Variants in USH2A observed in about 807,000 individuals in gnomAD.
USH2A encodes Usher syndrome 2A (autosomal recessive, mild).
Under a neutral mutation model 538.9 loss-of-function variants are expected in USH2A, and 443 were observed. The ratio of observed to expected loss-of-function variants is 0.82; its 90% CI spans 0.76 to 0.89. The LOEUF is 0.89. Among genes scored for constraint, USH2A ranks in the 40% least tolerant of loss-of-function variants. The pLI, the probability that USH2A is intolerant of heterozygous loss-of-function variation, is 0.00. For missense variants in USH2A, 6,633 were observed against 6,324.8 expected, an observed-to-expected ratio of 1.05 and a Z score of -1.65; for synonymous variants, 2,413 against 2,273.5, an observed-to-expected ratio of 1.06 and a Z score of -1.75.
intron 61 of USH2A, among the ~76,000 whole-genome samples, chr1:215,721,295 G>A (rs1239508032): frequency 1.3e-5 from 2 of 152,088 alleles, no homozygotes; most frequent in African/African-American, 2.4e-5. Flanking sequence ...GGCTGGTCTC[G>A]AACGCCTGAC....
In USH2A at chr1:215,625,750, T is replaced by G; in HGVS notation, c.*31A>C. On this transcript the variant is annotated 3_prime_UTR_variant, in exon 72 of 72. Transcript: ENST00000307340. ...GAGGAAATGGGTGCAGACCTTGCAT[T>G]CCAGGGTTACGTCTTCTGGGTTTCC... 6.2e-7 allele frequency: 1 copy of G among 1,609,194 alleles called. No individual in the cohort carries two copies. The highest frequency in any genetic ancestry group is 8.5e-7 in the Non-Finnish European group (1 of 1,175,556).
intron 19 of USH2A, 99 bp from the exon 20 acceptor site, chr1:216,190,466 G>A (rs1045844453): frequency 4.7e-6 from 7 of 1,498,382 alleles, no homozygotes; most frequent in Middle Eastern, 2.4e-4. Context: ...TTCAGACAGA[G>A]GGAATTATTG....
chr1:216,319,999 C>A (rs1480249548), intron 9 of USH2A, among the ~76,000 whole-genome samples: 2 of 152,120 alleles, frequency 1.3e-5, no homozygotes, highest in Non-Finnish European at 2.9e-5. Flanking sequence ...GTGCTACCAT[C>A]TGAAAAGCTA....
intron 55 of USH2A, among the ~76,000 whole-genome samples, chr1:215,776,378 C>CT (rs544341314): frequency 2.5e-4 from 38 of 152,222 alleles, no homozygotes; most frequent in South Asian, 1.0e-3. Flanking sequence ...TTACTTAATG[C>CT]TTTTTTTAAC....
chr1:216,312,437 T>C (rs2037439335), intron 9 of USH2A, among the ~76,000 whole-genome samples: 1 of 152,186 alleles, frequency 6.6e-6, no homozygotes, highest in African/African-American at 2.4e-5. Context: ...ATTTACATTT[T>C]TGGTAGCTGT....
At chr1:216,074,255 A>G (rs1411378268) in intron 27 of USH2A, among the ~76,000 whole-genome samples, 1 of 152,052 alleles carries the variant, frequency 6.6e-6, no homozygotes, top group Non-Finnish European at 1.5e-5. Flanking sequence ...GTCTGGCAGT[A>G]CTCTGCGCAG....
chr1:216,174,576 C>G, intron 21 of USH2A: 1 of 980,622 alleles, frequency 1.0e-6, no homozygotes, highest in Non-Finnish European at 1.2e-6. Flanking sequence ...AAAAATATTG[C>G]ATTAAAATTT....
At chr1:216,301,519 G>A (rs1016994628) in intron 9 of USH2A, among the ~76,000 whole-genome samples, 2 of 152,158 alleles carry the variant, frequency 1.3e-5, no homozygotes, top group Non-Finnish European at 2.9e-5. Context: ...ATTCGAGGGA[G>A]AGAGGTGTTG....
Position 216,165,509 on chromosome 1 carries a change from T to A in USH2A, c.4627+9743A>T, listed in dbSNP as rs1421746555. 5.9e-5 allele frequency among the ~76,000 whole-genome samples: 9 copies of A among 152,194 alleles called. No homozygotes were observed. The East Asian group carries it at 1.3e-3, about 23-fold the overall frequency. Reference sequence around the variant, plus strand: ...AGTTTAAAATGTATTTTCTTACACATCTAAGGCCAATAGAGACTAAACAAA... The same window carrying A: ...AGTTTAAAATGTATTTTCTTACACAACTAAGGCCAATAGAGACTAAACAAA... On this transcript the variant is annotated intron_variant, in intron 21 of 71. Transcript: ENST00000307340.
At chr1:215,878,698 C>T in intron 42 of USH2A, 66 bp downstream of exon 42, 1 of 1,529,230 alleles carries the variant, frequency 6.5e-7, no homozygotes, top group South Asian at 1.2e-5. Flanking sequence ...AAGCCTCCTT[C>T]ATTTCCCTAC....
chr1:215,899,904 C>A (rs1461466701), intron 40 of USH2A, among the ~76,000 whole-genome samples, 171 bp downstream of exon 40: 2 of 152,152 alleles, frequency 1.3e-5, no homozygotes, highest in African/African-American at 4.8e-5. Context: ...CATTATTCTT[C>A]TTTCTGGAGA....
intron 3 of USH2A, among the ~76,000 whole-genome samples, chr1:216,401,482 CAG>C (rs1248543099): frequency 6.6e-6 from 1 of 152,028 alleles, no homozygotes; most frequent in South Asian, 2.1e-4. Flanking sequence ...AAATAAATGA[CAG>C]AGATTAGCAG....
At chr1:216,010,174 C>G (rs1231166650) in intron 32 of USH2A, among the ~76,000 whole-genome samples, 6 of 152,174 alleles carry the variant, frequency 3.9e-5, no homozygotes, top group Non-Finnish European at 7.3e-5. Context: ...CTTGCCTCCA[C>G]TGTGAGACGA....
At chr1:215,657,191 C>T (rs1657288685) in intron 64 of USH2A, among the ~76,000 whole-genome samples, 1 of 152,186 alleles carries the variant, frequency 6.6e-6, no homozygotes, top group African/African-American at 2.4e-5. Flanking sequence ...AATTATGCCT[C>T]ATAAATAAAA....
At chr1:216,002,092 A>T (rs1311049891) in intron 32 of USH2A, among the ~76,000 whole-genome samples, 1 of 152,162 alleles carries the variant, frequency 6.6e-6, no homozygotes, top group Non-Finnish European at 1.5e-5. Flanking sequence ...CAACAGTCGC[A>T]CTATAGGTAC....
intron 9 of USH2A, among the ~76,000 whole-genome samples, chr1:216,306,172 A>G (rs985777938): frequency 1.3e-5 from 2 of 152,096 alleles, no homozygotes; most frequent in African/African-American, 4.8e-5. Flanking sequence ...GTCGTTTAAC[A>G]TAATCCCAAA....
intron 3 of USH2A, among the ~76,000 whole-genome samples, chr1:216,366,411 C>A (rs1247482349): frequency 6.6e-6 from 1 of 151,916 alleles, no homozygotes; most frequent in Non-Finnish European, 1.5e-5. Context: ...GGGGGTACAG[C>A]ATGTTTGGGA....
Position 216,422,104 on chromosome 1 carries a change from A to C in USH2A, c.233T>G (p.Phe78Cys). Residue 78 changes from phenylalanine (F) to cysteine (C), a missense_variant, in exon 2 of 72, where the codon TTC (phenylalanine) becomes TGC (cysteine). Coordinates refer to ENST00000307340, the MANE Select transcript of USH2A (RefSeq NM_206933.4). ...HSSAAAESIQ[F>C]CTQRFCIQDC... Reference sequence around the variant, plus strand: ...CTGAATACAAAACCGCTGGGTACAGAACTGAATACTTTCAGCAGCAGCAGA... The same window carrying C: ...CTGAATACAAAACCGCTGGGTACAGCACTGAATACTTTCAGCAGCAGCAGA... 1 of 1,613,878 alleles carries C rather than the reference A, an allele frequency of 6.2e-7. No homozygotes were observed.
At chr1:216,263,400 CATCAAAAAT>C (rs1412472752) in intron 11 of USH2A, among the ~76,000 whole-genome samples, 1 of 152,032 alleles carries the variant, frequency 6.6e-6, no homozygotes, top group African/African-American at 2.4e-5. Flanking sequence ...TCCAACAGCA[CATCAAAAAT>C]ATTACATACC....
Sources: allele counts gnomAD v4.1 joint callset (sites outside exome capture counted in the v4.1 genomes callset), GRCh38; gene constraint gnomAD v4.1.1; transcripts MANE v1.5; gene names NCBI Gene and HGNC (gene_info 2026-07-23, HGNC 2026-07-21).